SYNE2: variants seen among roughly 807,000 people sequenced by gnomAD.
The protein encoded by SYNE2 is nesprin-2.
SYNE2 carries 431 observed loss-of-function variants against 856.3 expected under a neutral mutation model. That is an observed-to-expected ratio of 0.50 (90% CI 0.47 to 0.55). The LOEUF (loss-of-function observed/expected upper bound fraction) is 0.55. Ranked by LOEUF, SYNE2 falls within the 20% of genes least tolerant of loss-of-function variation. The probability of loss-of-function intolerance (pLI) is 0.00; values close to 1 mark genes in which losing one functional copy is unlikely to be tolerated. For missense variants in SYNE2, 8,129 were observed against 8,023.2 expected, an observed-to-expected ratio of 1.01 and a Z score of -0.50; for synonymous variants, 2,923 against 2,872.3, an observed-to-expected ratio of 1.02 and a Z score of -0.56.
intron 64 of SYNE2, among the ~76,000 whole-genome samples, chr14:64,105,497 A>T (rs989281764): frequency 6.6e-6 from 1 of 152,216 alleles, no homozygotes; most frequent in Non-Finnish European, 1.5e-5. Flanking sequence ...AAGCATAGGT[A>T]AGATAGGTTT....
rs886050608 is a variant in SYNE2, at chr14:64,226,221, T to G, written c.*695T>G. 1 of 152,576 alleles carries G rather than the reference T, an allele frequency of 6.6e-6. No homozygotes were observed. Among genetic ancestry groups the G allele is most frequent in the Non-Finnish European group, 1.5e-5 (1 of 68,106 alleles). 9.5% of individuals were successfully genotyped at this position (152,576 alleles called of 1,614,324 possible). ...TTAGATTTTAGCTGGAGCTTTTGAC[T>G]AATGTAAAGTAAATGCCAAACTACC... is the stretch of plus-strand genomic sequence containing the variant. On this transcript the variant is annotated 3_prime_UTR_variant, in exon 116 of 116. Transcript: ENST00000555002.
chr14:63,970,564 G>A (rs1412084930), intron 11 of SYNE2, among the ~76,000 whole-genome samples: 2 of 150,680 alleles, frequency 1.3e-5, no homozygotes, highest in African/African-American at 4.9e-5. Flanking sequence ...TTCAATTTAG[G>A]TATATCATTT....
intron 19 of SYNE2, among the ~76,000 whole-genome samples, chr14:63,989,732 C>A (rs927001865): frequency 1.6e-4 from 24 of 152,308 alleles, no homozygotes; most frequent in African/African-American, 5.8e-4. Flanking sequence ...CTCACTGCAA[C>A]CTCTGCCTCC....
chr14:64,224,851 A>C, intron 114 of SYNE2, 148 bp from the exon 115 acceptor site: 1 of 784,716 alleles, frequency 1.3e-6, no homozygotes, highest in Non-Finnish European at 2.2e-6. Context: ...GTGACGTTTA[A>C]TCTCAATTGT....
At chr14:64,047,155 G>GTGATGA (rs1595120123) in intron 45 of SYNE2, among the ~76,000 whole-genome samples, 2 of 152,272 alleles carry the variant, frequency 1.3e-5, no homozygotes, top group East Asian at 3.9e-4. Context: ...ATTTTACTGA[G>GTGATGA]TGATGAAAAT....
intron 1 of SYNE2, among the ~76,000 whole-genome samples, chr14:63,899,056 C>A (rs999512919): frequency 5.3e-5 from 8 of 152,300 alleles, no homozygotes; most frequent in African/African-American, 1.9e-4. Context: ...CCTGGCAGCA[C>A]CATTCTACTG....
intron 1 of SYNE2, among the ~76,000 whole-genome samples, chr14:63,826,276 G>A (rs1407793232): frequency 3.0e-5 from 3 of 99,606 alleles, no homozygotes; most frequent in Admixed American, 2.3e-4. Flanking sequence ...TGACAAGCAT[G>A]CCAAAAAAAT....
At chr14:63,966,360 CA>C (rs71123824) in intron 10 of SYNE2, among the ~76,000 whole-genome samples, 138 of 138,500 alleles carry the variant, frequency 1.0e-3, no homozygotes, top group Non-Finnish European at 8.4e-4. Context: ...ACAAAAAATA[CA>C]AAAAAAAAAA....
At chr14:63,843,051 A>C (rs1164365272) in intron 1 of SYNE2, among the ~76,000 whole-genome samples, 1 of 151,840 alleles carries the variant, frequency 6.6e-6, no homozygotes, top group Middle Eastern at 3.4e-3. Context: ...TTTTTGAGAT[A>C]GGGTCTCATT....
intron 14 of SYNE2, among the ~76,000 whole-genome samples, chr14:63,979,671 G>A (rs1394070428): frequency 6.6e-6 from 1 of 152,256 alleles, no homozygotes; most frequent in Non-Finnish European, 1.5e-5. Flanking sequence ...CCAACACATT[G>A]GGAGGCCAAG....
At chr14:64,094,511 G>A (rs1050461714) in intron 61 of SYNE2, among the ~76,000 whole-genome samples, 14 of 152,066 alleles carry the variant, frequency 9.2e-5, no homozygotes, top group African/African-American at 3.4e-4. Context: ...GTAATAGAGA[G>A]CTGCTTTTTT....
At chr14:64,183,886 A>C (rs931840443) in intron 96 of SYNE2, among the ~76,000 whole-genome samples, 2 of 147,826 alleles carry the variant, frequency 1.4e-5, no homozygotes, top group African/African-American at 4.9e-5. Flanking sequence ...GCTTTGGCTC[A>C]GCATCAGAGG....
At chr14:64,190,038 T>A in intron 98 of SYNE2, 33 bp from the exon 99 acceptor site, 3 of 1,613,232 alleles carry the variant, frequency 1.9e-6, no homozygotes, top group Non-Finnish European at 2.5e-6. Flanking sequence ...TTGGGCTAAT[T>A]AGCCAGGCTT....
At chr14:64,222,120 G>A (rs72720382) in intron 112 of SYNE2, among the ~76,000 whole-genome samples, 8,647 of 152,222 alleles carry the variant, frequency 0.057, 321 homozygotes, top group Non-Finnish European at 0.079. Context: ...TCGTGTCCTG[G>A]TGTATTTGTC....
intron 45 of SYNE2, among the ~76,000 whole-genome samples, chr14:64,043,438 T>C (rs1018666857): frequency 6.6e-6 from 1 of 152,060 alleles, no homozygotes; most frequent in Admixed American, 6.6e-5. Flanking sequence ...GGGAAATGTC[T>C]CTAGGGCATG....
chr14:64,157,363 G>T (rs899250608), intron 85 of SYNE2, among the ~76,000 whole-genome samples: 1 of 152,122 alleles, frequency 6.6e-6, no homozygotes, highest in African/African-American at 2.4e-5. Context: ...TTTGGGTCTG[G>T]CTTCCTTCAC....
chr14:64,202,179 C>T (rs1479465498), intron 99 of SYNE2: 3 of 702,152 alleles, frequency 4.3e-6, no homozygotes, highest in Non-Finnish European at 7.8e-6. Flanking sequence ...TTGCCCCCTC[C>T]CTTTTAGACG....
Position 63,964,035 on chromosome 14 carries a change from C to T in SYNE2, c.990+35C>T, listed in dbSNP as rs776128608. The T allele has an allele frequency of 6.9e-6, 9 of 1,311,444 alleles. No homozygotes were observed. The South Asian group carries it at 7.3e-5, about 11-fold the overall frequency. The allele number at this position is 1,311,444 out of a possible 1,614,324, so 81.2% of individuals were successfully genotyped here. ...ATTTTAAACAGCTGTTTGTAATTTACCTTTTAAGAGTTGAGCGTAAGTATG... is the reference window on the plus strand; with the variant it reads ...ATTTTAAACAGCTGTTTGTAATTTATCTTTTAAGAGTTGAGCGTAAGTATG... On this transcript the variant is annotated intron_variant, in intron 10 of 115. Transcript: ENST00000555002.
At position 63,954,703 on chromosome 14, in the gene SYNE2, TG is replaced by T. The variant is rs2096218543; in HGVS notation, c.591-15del. 1 of 1,612,070 alleles carries T rather than the reference TG, an allele frequency of 6.2e-7. No individual in the cohort carries two copies. Among genetic ancestry groups the T allele is most frequent in the Admixed American group, 1.7e-5 (1 of 59,984 alleles). On this transcript the variant is annotated splice_polypyrimidine_tract_variant and intron_variant, in intron 7 of 115. Transcript: ENST00000555002. ...TTTTTAATGGTATTTGTCATGTTTTTGTCTTTTTATGATAGCTATGAGTCTG... is the reference window on the plus strand; with the variant it reads ...TTTTTAATGGTATTTGTCATGTTTTTTCTTTTTATGATAGCTATGAGTCTG...
Sources: allele counts gnomAD v4.1 joint callset (sites outside exome capture counted in the v4.1 genomes callset), GRCh38; gene constraint gnomAD v4.1.1; transcripts MANE v1.5; gene names NCBI Gene and HGNC (gene_info 2026-07-23, HGNC 2026-07-21).